HIVEP3: variants seen among roughly 807,000 people sequenced by gnomAD.
The protein encoded by HIVEP3 is transcription factor HIVEP3.
HIVEP3 carries 49 observed loss-of-function variants against 152.8 expected under a neutral mutation model. That is an observed-to-expected ratio of 0.32 (90% confidence interval 0.26 to 0.41). The LOEUF is 0.41. Ranked by LOEUF, HIVEP3 falls within the 10% of genes least tolerant of loss-of-function variation. HIVEP3 has a pLI of 1.00. For synonymous variants in HIVEP3, 1,269 were observed against 1,289.0 expected (o/e 0.98, Z 0.33); for missense variants, 2,790 against 3,103.3 (o/e 0.90, Z 2.40).
At chr1:41,676,481 T>C (rs78288644) in intron 2 of HIVEP3, among the ~76,000 whole-genome samples, 7,076 of 152,284 alleles carry the variant, frequency 0.046, 268 homozygotes, top group Middle Eastern at 0.11. Flanking sequence ...AAATTCACTG[T>C]GGGAGCATGG....
At chr1:41,928,782 T>C (rs1004476179) in intron 1 of HIVEP3, among the ~76,000 whole-genome samples, 1 of 152,206 alleles carries the variant, frequency 6.6e-6, no homozygotes, top group Non-Finnish European at 1.5e-5. Context: ...TGTGGAGTTT[T>C]GGCAAGAATG....
chr1:41,791,463 C>T (rs534156813), intron 1 of HIVEP3, among the ~76,000 whole-genome samples: 2 of 152,356 alleles, frequency 1.3e-5, no homozygotes, highest in East Asian at 1.9e-4. Context: ...GCACAGATGG[C>T]TGCATGGCCT....
chr1:41,766,051 C>A (rs181560478), intron 1 of HIVEP3, among the ~76,000 whole-genome samples: 14 of 152,348 alleles, frequency 9.2e-5, no homozygotes, highest in African/African-American at 3.4e-4. Flanking sequence ...GAGGGCCATC[C>A]TCTGCCTCAC....
rs1410372122 is a variant in HIVEP3 at position 41,873,767 on chromosome 1, T to A, written c.-801+44646A>T. Among the ~76,000 whole-genome samples the A allele has an allele frequency of 6.6e-6, 1 of 152,214 alleles. No homozygotes were observed. Among genetic ancestry groups the A allele is most frequent in the African/African-American group, 2.4e-5 (1 of 41,450 alleles). ...AGGAGGAGGATTAGAATTCCTCATA[T>A]CAGAGAATCCCAGAGCTTTGAAGCT... On this transcript the variant is annotated intron_variant, in intron 1 of 8. Transcript: ENST00000372583. The surrounding 1 kb of genome is among the most constrained non-coding windows in gnomAD (Gnocchi z 4.2).
chr1:41,788,748 C>T (rs1484676371), intron 1 of HIVEP3, among the ~76,000 whole-genome samples: 3 of 152,220 alleles, frequency 2.0e-5, no homozygotes, highest in Non-Finnish European at 4.4e-5. Context: ...GGAATGAATG[C>T]TTAATGGAAT....
chr1:41,812,485 G>C (rs1443469217), intron 1 of HIVEP3, among the ~76,000 whole-genome samples: 1 of 152,104 alleles, frequency 6.6e-6, no homozygotes, highest in East Asian at 1.9e-4. Context: ...AAGATGTCAT[G>C]GATATGGAAT....
intron 3 of HIVEP3, among the ~76,000 whole-genome samples, chr1:41,621,532 C>T (rs985137578): frequency 9.2e-5 from 14 of 152,270 alleles, no homozygotes; most frequent in Middle Eastern, 3.4e-3. Flanking sequence ...TTTTGTTTTT[C>T]GAGACAGGGT....
At chr1:42,031,419 G>C (rs1379387216) in intron 1 of HIVEP3, among the ~76,000 whole-genome samples, 1 of 152,064 alleles carries the variant, frequency 6.6e-6, no homozygotes, top group Non-Finnish European at 1.5e-5. Flanking sequence ...TTTGCTCCTA[G>C]TAAGGTTTTT....
At chr1:41,874,097 G>A (rs1157252456) in intron 1 of HIVEP3, among the ~76,000 whole-genome samples, 1 of 152,204 alleles carries the variant, frequency 6.6e-6, no homozygotes, top group East Asian at 1.9e-4. Context: ...ACTTCCCTTG[G>A]CTTCACTGAA....
intron 1 of HIVEP3, among the ~76,000 whole-genome samples, chr1:41,857,528 T>C (rs1386657698): frequency 1.3e-5 from 2 of 152,178 alleles, no homozygotes; most frequent in African/African-American, 4.8e-5. Context: ...ATGTTCCTGA[T>C]GATGTTCTAA....
At chr1:41,724,964 C>T (rs1192221158) in intron 1 of HIVEP3, among the ~76,000 whole-genome samples, 2 of 152,194 alleles carry the variant, frequency 1.3e-5, no homozygotes, top group African/African-American at 4.8e-5. Context: ...TCACAATGGT[C>T]TACTTAGCCT....
intron 5 of HIVEP3, among the ~76,000 whole-genome samples, chr1:41,564,223 C>A (rs1479260108): frequency 6.6e-6 from 1 of 151,852 alleles, no homozygotes; most frequent in Non-Finnish European, 1.5e-5. Context: ...CAAGAAAAAA[C>A]TCAATAGAAT....
upstream of HIVEP3, among the ~76,000 whole-genome samples, chr1:41,921,114 G>A (rs572917611): frequency 7.2e-5 from 11 of 152,332 alleles, no homozygotes; most frequent in Non-Finnish European, 4.4e-5. Context: ...TTGGTTTGGG[G>A]AATGGTAAAT....
intron 1 of HIVEP3, among the ~76,000 whole-genome samples, chr1:42,005,270 C>T (rs7553696): frequency 0.078 from 11,807 of 152,182 alleles, 932 homozygotes; most frequent in African/African-American, 0.2. Context: ...AAGTGGAAAG[C>T]AAGTTGCTGT....
chr1:41,681,276 T>C (rs1365602066), intron 2 of HIVEP3, among the ~76,000 whole-genome samples: 1 of 152,178 alleles, frequency 6.6e-6, no homozygotes, highest in Non-Finnish European at 1.5e-5. Context: ...ATATCTTCTG[T>C]AGAGACAGCA....
At chr1:41,834,855 G>A (rs891196302) in intron 1 of HIVEP3, among the ~76,000 whole-genome samples, 5 of 152,106 alleles carry the variant, frequency 3.3e-5, no homozygotes, top group African/African-American at 1.2e-4. Context: ...GCATGAAAAG[G>A]CCTTCCAAGC....
intron 1 of HIVEP3, among the ~76,000 whole-genome samples, chr1:41,941,706 G>A (rs1190816041): frequency 6.6e-6 from 1 of 152,160 alleles, no homozygotes; most frequent in Non-Finnish European, 1.5e-5. Context: ...TAAATTTAAG[G>A]CACAACCAGA....
rs768917683 is a variant in HIVEP3, at chr1:41,583,913, A to G, written c.885T>C (p.Pro295=). Residue 295 remains proline (P), a synonymous_variant, in exon 4 of 9, where the codon CCT becomes CCC. Transcript: ENST00000372583. This position sits in a 1 kb window ranked among gnomAD's most constrained non-coding sequence, Gnocchi z 6.9. The part of the protein sequence containing the change: ...EEETSATSGH[P]AELSPRPKQP... ...GCTTGGGTCTTGGGGAGAGCTCTGCAGGGTGACCAGAGGTGGCACTAGTCT... is the reference window on the plus strand; with the variant it reads ...GCTTGGGTCTTGGGGAGAGCTCTGCGGGGTGACCAGAGGTGGCACTAGTCT... 1.6e-5 allele frequency: 26 copies of G among 1,613,982 alleles called. No homozygotes were observed. Among genetic ancestry groups the G allele is most frequent in the Non-Finnish European group, 2.2e-5 (26 of 1,180,004 alleles).
At chr1:41,681,762 C>T (rs796726460) in intron 2 of HIVEP3, among the ~76,000 whole-genome samples, 1 of 152,180 alleles carries the variant, frequency 6.6e-6, no homozygotes, top group Non-Finnish European at 1.5e-5. Flanking sequence ...GGGAGGGAAA[C>T]CTTGTGTTCA....
Sources: gnomAD v4.1 joint callset for allele counts (sites outside exome capture counted in the v4.1 genomes callset) on GRCh38, gnomAD v4.1.1 for gene constraint, Gnocchi (gnomAD v3.1) non-coding constraint, MANE v1.5 for transcripts, NCBI Gene and HGNC (gene_info 2026-07-23, HGNC 2026-07-21) for gene names.